The following TIAM1 variants were observed in gnomAD, a reference collection of about 807,000 sequenced individuals.
The protein encoded by TIAM1 is rho guanine nucleotide exchange factor TIAM1.
TIAM1 carries 65 observed loss-of-function variants against 163.5 expected under a neutral mutation model. That is an observed-to-expected ratio of 0.40 (90% CI 0.33 to 0.49). TIAM1 has a LOEUF of 0.49. TIAM1 is among the 20% of genes least tolerant of loss of function. TIAM1 has a pLI of 0.77. For missense variants in TIAM1, 1,789 were observed against 2,044.7 expected (o/e 0.87, Z 2.41); for synonymous variants, 833 against 810.1 (o/e 1.03, Z -0.48).
intron 16 of TIAM1, among the ~76,000 whole-genome samples, chr21:31,158,079 G>A (rs1481638197): frequency 6.6e-6 from 1 of 152,144 alleles, no homozygotes; most frequent in Non-Finnish European, 1.5e-5. Flanking sequence ...CAGGGTTTCT[G>A]ACTTGGTCTA....
Position 31,325,647 on chromosome 21 carries a change from G to A in TIAM1, c.-189+13596C>T, listed in dbSNP as rs868849130. Among the ~76,000 whole-genome samples the A allele has an allele frequency of 3.7e-3, 534 of 145,852 alleles. 2 individuals carry two copies. The highest frequency in any genetic ancestry group is 0.012 in the African/African-American group (469 of 39,076). On this transcript the variant is annotated intron_variant, in intron 2 of 27. Transcript: ENST00000541036. ...GGCACCACTGCACTCCAGCCTGGGC[G>A]ACAGAGCAAGACTCTGACTCAAAAA...
At chr21:31,319,252 AGCT>A in intron 2 of TIAM1, among the ~76,000 whole-genome samples, 1 of 152,294 alleles carries the variant, frequency 6.6e-6, no homozygotes, top group East Asian at 1.9e-4. Context: ...CATGTTCCAA[AGCT>A]GCTCAACTGG....
At chr21:31,392,227 T>A (rs1412945549) in intron 2 of TIAM1, among the ~76,000 whole-genome samples, 1 of 152,178 alleles carries the variant, frequency 6.6e-6, no homozygotes, top group Non-Finnish European at 1.5e-5. Context: ...TCAGAAGCCA[T>A]GAAAACACGG....
At chr21:31,293,838 A>G (rs2074123478) in intron 2 of TIAM1, among the ~76,000 whole-genome samples, 1 of 152,236 alleles carries the variant, frequency 6.6e-6, no homozygotes, top group African/African-American at 2.4e-5. Flanking sequence ...AACATGGAAA[A>G]CTGCATTAAA....
intron 1 of TIAM1, among the ~76,000 whole-genome samples, chr21:31,474,416 T>A (rs887775950): frequency 6.6e-6 from 1 of 152,190 alleles, no homozygotes. Context: ...AGGCACTCTG[T>A]GCCTCAGTTT....
At chr21:31,342,708 C>T (rs758972031) in intron 1 of TIAM1, among the ~76,000 whole-genome samples, 1 of 152,198 alleles carries the variant, frequency 6.6e-6, no homozygotes, top group Non-Finnish European at 1.5e-5. Flanking sequence ...TCACATCTAC[C>T]TGCTGCTGGG....
Position 31,176,670 on chromosome 21 carries a change from CAAT to C in TIAM1, c.2887+5748_2887+5750del, listed in dbSNP as rs569595240. 8.5e-5 allele frequency among the ~76,000 whole-genome samples: 13 copies of C among 152,238 alleles called. No individual in the cohort carries two copies. The South Asian group carries it at 2.7e-3, about 32-fold the overall frequency. ...ACAAATTTTCATTACAAAAAAATCT[CAAT>C]GAAGCAGATCACAAAATGTGATCAA... On this transcript the variant is annotated intron_variant, in intron 15 of 27. Coordinates refer to ENST00000541036, the MANE Select transcript of TIAM1 (RefSeq NM_001353694.2).
chr21:31,385,842 T>C (rs1184287737), intron 2 of TIAM1, among the ~76,000 whole-genome samples: 2 of 147,092 alleles, frequency 1.4e-5, no homozygotes, highest in African/African-American at 4.9e-5. Flanking sequence ...TATTATATAT[T>C]TATATATAAT....
At chr21:31,252,543 A>G (rs2071871033) in intron 4 of TIAM1, among the ~76,000 whole-genome samples, 1 of 152,258 alleles carries the variant, frequency 6.6e-6, no homozygotes, top group African/African-American at 2.4e-5. Flanking sequence ...CTGAGAACCC[A>G]GCATCCTCAG....
intron 1 of TIAM1, among the ~76,000 whole-genome samples, chr21:31,524,089 TAAGACTCAGGATACACTTCC>T (rs1383377504): frequency 1.3e-5 from 2 of 151,874 alleles, no homozygotes; most frequent in Non-Finnish European, 2.9e-5. Context: ...AAAAAAAAGC[TAAGACTCAGGATACACTTCC>T]AAGACTAGTG....
intron 12 of TIAM1, among the ~76,000 whole-genome samples, chr21:31,197,873 CT>C (rs1279397877): frequency 2.0e-5 from 3 of 152,188 alleles, no homozygotes; most frequent in African/African-American, 7.2e-5. Flanking sequence ...CCAGGTCTCA[CT>C]GGCTCTAGAG....
chr21:31,475,342 A>G (rs992401437), intron 1 of TIAM1, among the ~76,000 whole-genome samples: 3 of 152,074 alleles, frequency 2.0e-5, no homozygotes, highest in African/African-American at 7.2e-5. Flanking sequence ...ATTACTGATT[A>G]CAGGAGTAAG....
intron 2 of TIAM1, among the ~76,000 whole-genome samples, chr21:31,461,885 T>C (rs184246133): frequency 4.1e-4 from 63 of 152,288 alleles, no homozygotes; most frequent in Middle Eastern, 3.4e-3. Flanking sequence ...CAGGCTGGTC[T>C]CGAACTCCTG....
intron 2 of TIAM1, among the ~76,000 whole-genome samples, chr21:31,461,380 A>C (rs1488188428): frequency 1.3e-5 from 2 of 152,104 alleles, no homozygotes; most frequent in Non-Finnish European, 2.9e-5. Context: ...GCTACTCAGG[A>C]GGCTGAGGCA....
intron 11 of TIAM1, among the ~76,000 whole-genome samples, chr21:31,209,213 G>A (rs2086603835): frequency 6.6e-6 from 1 of 152,106 alleles, no homozygotes. Context: ...GTGTACAATG[G>A]CAAAGTCTCA....
intron 2 of TIAM1, among the ~76,000 whole-genome samples, chr21:31,335,015 T>C (rs968551794): frequency 6.6e-6 from 1 of 152,134 alleles, no homozygotes; most frequent in Non-Finnish European, 1.5e-5. Context: ...TGCCAATGTT[T>C]ACGCGACATG....
At chr21:31,447,803 T>A in intron 2 of TIAM1, among the ~76,000 whole-genome samples, 1 of 152,150 alleles carries the variant, frequency 6.6e-6, no homozygotes, top group Admixed American at 6.5e-5. Context: ...ACAACACACA[T>A]GTATATATCT....
intron 2 of TIAM1, among the ~76,000 whole-genome samples, chr21:31,397,574 C>T (rs2077094559): frequency 6.6e-6 from 1 of 152,144 alleles, no homozygotes; most frequent in Non-Finnish European, 1.5e-5. Context: ...CCCAATATCC[C>T]CGCGCCAGAA....
chr21:31,229,447 T>A (rs1294851546), intron 6 of TIAM1, among the ~76,000 whole-genome samples: 1 of 152,148 alleles, frequency 6.6e-6, no homozygotes, highest in Non-Finnish European at 1.5e-5. Flanking sequence ...TATTCCGGTT[T>A]TCATTAAAAA....
Sources: gnomAD v4.1 joint callset for allele counts (sites outside exome capture counted in the v4.1 genomes callset) on GRCh38, gnomAD v4.1.1 for gene constraint, MANE v1.5 for transcripts, NCBI Gene and HGNC (gene_info 2026-07-23, HGNC 2026-07-21) for gene names.